The following DCP1B variants were observed in gnomAD, a reference collection of about 807,000 sequenced individuals.
The protein encoded by DCP1B is mRNA-decapping enzyme 1B.
Under a neutral mutation model 60.5 loss-of-function variants are expected in DCP1B, and 47 were observed. The observed-to-expected ratio is 0.78, with a 90% CI of 0.61 to 0.99. The LOEUF is 0.99. DCP1B is among the 50% of genes least tolerant of loss of function. DCP1B has a pLI of 0.00. For synonymous variants in DCP1B, 267 were observed against 280.3 expected (o/e 0.95, Z 0.47); for missense variants, 725 against 756.8 (o/e 0.96, Z 0.49).
chr12:1,967,519 G>C (rs1011535242), intron 4 of DCP1B, among the ~76,000 whole-genome samples: 1 of 152,110 alleles, frequency 6.6e-6, no homozygotes, highest in Non-Finnish European at 1.5e-5. Flanking sequence ...TTACCAACAG[G>C]CATATTGATA....
At chr12:1,982,538 T>TAC in intron 3 of DCP1B, among the ~76,000 whole-genome samples, 1 of 62,596 alleles carries the variant, frequency 1.6e-5, no homozygotes, top group Admixed American at 1.4e-4. Context: ...CGTTGTACTA[T>TAC]ATATATAATT....
intron 5 of DCP1B, among the ~76,000 whole-genome samples, chr12:1,958,921 G>A: frequency 8.1e-6 from 1 of 123,934 alleles, no homozygotes; most frequent in East Asian, 2.5e-4. Context: ...CGTCGCTCTG[G>A]GCAATGACTT....
intron 3 of DCP1B, among the ~76,000 whole-genome samples, chr12:1,974,555 C>T (rs2033687948): frequency 6.6e-6 from 1 of 152,150 alleles, no homozygotes; most frequent in South Asian, 2.1e-4. Context: ...GCACTGGCAA[C>T]TAAGAGCTCA....
chr12:1,943,652 C>T (rs567877804), downstream of DCP1B, among the ~76,000 whole-genome samples: 9 of 152,294 alleles, frequency 5.9e-5, no homozygotes, highest in East Asian at 1.4e-3. Flanking sequence ...AACCAATAAA[C>T]GTCATCCATC....
intron 8 of DCP1B, among the ~76,000 whole-genome samples, chr12:1,947,380 G>A (rs927296204): frequency 1.3e-5 from 2 of 152,104 alleles, no homozygotes; most frequent in African/African-American, 4.8e-5. Context: ...TCTTTTTCCT[G>A]CAAAGTAGTC....
At chr12:1,998,063 T>C (rs1565875644) in intron 1 of DCP1B, 88 bp from the exon 2 acceptor site, 5 of 1,237,854 alleles carry the variant, frequency 4.0e-6, no homozygotes, top group Admixed American at 4.7e-5. Context: ...ATAGGAATTA[T>C]ATATAACTTC....
At chr12:1,967,971 A>T in intron 3 of DCP1B, 61 bp from the exon 4 acceptor site, 1 of 1,369,140 alleles carries the variant, frequency 7.3e-7, no homozygotes, top group Non-Finnish European at 1.0e-6. Context: ...ATAGAAAAAA[A>T]TCTCCTTTCC....
chr12:1,987,586 T>A (rs1453250049), intron 3 of DCP1B, among the ~76,000 whole-genome samples: 1 of 152,174 alleles, frequency 6.6e-6, no homozygotes, highest in Non-Finnish European at 1.5e-5. Flanking sequence ...TGCTCTCCAT[T>A]TATTTCTCAT....
chr12:1,964,600 T>C (rs1266729150), intron 5 of DCP1B, among the ~76,000 whole-genome samples: 1 of 152,238 alleles, frequency 6.6e-6, no homozygotes, highest in Non-Finnish European at 1.5e-5. Context: ...TATCCTGGTG[T>C]ATGCTGTAAG....
At chr12:1,975,428 A>G (rs2034022420) in intron 3 of DCP1B, among the ~76,000 whole-genome samples, 1 of 152,200 alleles carries the variant, frequency 6.6e-6, no homozygotes, top group Non-Finnish European at 1.5e-5. Flanking sequence ...AAAAATTAGT[A>G]ATATAAAACA....
chr12:1,973,771 A>G (rs1451413214), intron 3 of DCP1B, among the ~76,000 whole-genome samples: 1 of 152,252 alleles, frequency 6.6e-6, no homozygotes, highest in Non-Finnish European at 1.5e-5. Context: ...TTTACAACAA[A>G]TATAAATAGA....
At chr12:1,957,819 A>G (rs2030940487) in intron 5 of DCP1B, among the ~76,000 whole-genome samples, 1 of 152,272 alleles carries the variant, frequency 6.6e-6, no homozygotes, top group African/African-American at 2.4e-5. Flanking sequence ...TTTTCAAATT[A>G]TTTTATTAAC....
At chr12:1,991,147 T>A (rs1201244432) in intron 3 of DCP1B, 1 of 456,142 alleles carries the variant, frequency 2.2e-6, no homozygotes, top group African/African-American at 2.0e-5. Context: ...TGTTTAATAG[T>A]AGAGCAGTAC....
downstream of DCP1B, among the ~76,000 whole-genome samples, chr12:1,944,989 A>T (rs2030372827): frequency 6.6e-6 from 1 of 152,256 alleles, no homozygotes; most frequent in African/African-American, 2.4e-5. Flanking sequence ...TATCAGAATG[A>T]ACAGGCAACC....
At chr12:1,994,445 T>C (rs951487230) in intron 2 of DCP1B, among the ~76,000 whole-genome samples, 15 of 152,342 alleles carry the variant, frequency 9.8e-5, no homozygotes, top group African/African-American at 2.9e-4. Context: ...AATTTTAAAA[T>C]TGATGGGAGG....
chr12:1,992,946 T>C, intron 3 of DCP1B: 2 of 593,044 alleles, frequency 3.4e-6, no homozygotes, highest in Non-Finnish European at 6.0e-6. Flanking sequence ...GTCTCTGCAG[T>C]CTCCTCACTA....
intron 3 of DCP1B, among the ~76,000 whole-genome samples, chr12:1,985,808 A>C (rs2037523555): frequency 1.3e-5 from 2 of 151,590 alleles, no homozygotes; most frequent in African/African-American, 4.8e-5. Context: ...TATCAGTTCC[A>C]TTTTCTTTTT....
chr12:1,981,784 G>A (rs754141327), intron 3 of DCP1B, among the ~76,000 whole-genome samples: 2 of 152,188 alleles, frequency 1.3e-5, no homozygotes, highest in Admixed American at 6.5e-5. Flanking sequence ...AAAACATCCA[G>A]GGAGGTAAAG....
intron 4 of DCP1B, among the ~76,000 whole-genome samples, chr12:1,966,634 C>T (rs557815793): frequency 6.6e-6 from 1 of 152,186 alleles, no homozygotes; most frequent in South Asian, 2.1e-4. Context: ...ACAATTATAA[C>T]ATGGCCTCTT....
Sources: allele counts gnomAD v4.1 joint callset (sites outside exome capture counted in the v4.1 genomes callset), GRCh38; gene constraint gnomAD v4.1.1; transcripts MANE v1.5; gene names NCBI Gene and HGNC (gene_info 2026-07-23, HGNC 2026-07-21).